MEGF6: variants seen among roughly 807,000 people sequenced by gnomAD.
The protein encoded by MEGF6 is multiple epidermal growth factor-like domains protein 6.
Under a neutral mutation model 207.1 loss-of-function variants are expected in MEGF6, and 184 were observed. That is an observed-to-expected ratio of 0.89 (90% CI 0.79 to 1.00). The LOEUF is 1.00. Ranked by LOEUF, MEGF6 falls within the 50% of genes least tolerant of loss-of-function variation. MEGF6 has a pLI of 0.00. For missense variants in MEGF6, 2,282 were observed against 2,202.9 expected, an observed-to-expected ratio of 1.04 and a Z score of -0.72; for synonymous variants, 1,038 against 910.0, an observed-to-expected ratio of 1.14 and a Z score of -2.53.
chr1:3,562,298 C>T (rs535177558), intron 4 of MEGF6, among the ~76,000 whole-genome samples: 47 of 152,334 alleles, frequency 3.1e-4, no homozygotes, highest in African/African-American at 4.8e-4. Flanking sequence ...CCCGGTCCCT[C>T]GCTGTGTCTC....
intron 3 of MEGF6, among the ~76,000 whole-genome samples, chr1:3,584,503 G>T (rs145460677): frequency 2.0e-5 from 3 of 152,202 alleles, no homozygotes; most frequent in African/African-American, 4.8e-5. Context: ...AAAGGTGATC[G>T]CTGGAGCAGG....
chr1:3,611,405 G>A lies in MEGF6; in HGVS notation c.-137C>T, dbSNP rs999376535. The A allele has an allele frequency of 3.3e-4, 400 of 1,205,242 alleles. 3 individuals are homozygous for A. The highest frequency in any genetic ancestry group is 4.1e-4 in the Non-Finnish European group (388 of 936,108). 74.7% of individuals were successfully genotyped at this position (1,205,242 alleles called of 1,614,324 possible). ...CTCCGCGGAGCCCAAGGTCGCTGCA[G>A]GTGCGGAGCGTCCCGGCTTCCCGCC... is the stretch of plus-strand genomic sequence containing the variant. On this transcript the variant is annotated 5_prime_UTR_variant, in exon 1 of 37. Coordinates refer to ENST00000356575, the MANE Select transcript of MEGF6 (RefSeq NM_001409.4).
chr1:3,492,341 C>T (rs536731042), intron 35 of MEGF6, among the ~76,000 whole-genome samples: 28 of 152,276 alleles, frequency 1.8e-4, no homozygotes, highest in African/African-American at 6.3e-4. Flanking sequence ...GCCCCCGGTG[C>T]AGTTTGCAGC....
chr1:3,581,281 C>T (rs1643790935), intron 3 of MEGF6, among the ~76,000 whole-genome samples: 1 of 152,022 alleles, frequency 6.6e-6, no homozygotes, highest in African/African-American at 2.4e-5. Flanking sequence ...CCTGCAATCA[C>T]AGCCACTACC....
At chr1:3,544,133 A>G (rs1294638936) in intron 4 of MEGF6, among the ~76,000 whole-genome samples, 1 of 151,870 alleles carries the variant, frequency 6.6e-6, no homozygotes, top group Non-Finnish European at 1.5e-5. Flanking sequence ...ACCCCATTAC[A>G]GGGCCCACCA....
At chr1:3,605,574 A>T (rs1644236730) in intron 1 of MEGF6, among the ~76,000 whole-genome samples, 1 of 151,882 alleles carries the variant, frequency 6.6e-6, no homozygotes, top group Non-Finnish European at 1.5e-5. Context: ...ACTCACATAC[A>T]CACACATACA....
Position 3,499,778 on chromosome 1 carries a change from G to A in MEGF6, c.2836+18C>T, listed in dbSNP as rs765185375. ...CTGGAGGCCACCCAGCCTAGCCCCC[G>A]CCTGTGCCGTAGCTCACCATGCTCG... On this transcript the variant is annotated intron_variant, in intron 22 of 36. Transcript: ENST00000356575. 2.6e-5 allele frequency: 41 copies of A among 1,572,152 alleles called. No individual in the cohort carries two copies. Among genetic ancestry groups the A allele is most frequent in the Middle Eastern group, 3.3e-4 (2 of 5,982 alleles).
intron 12 of MEGF6, among the ~76,000 whole-genome samples, 177 bp downstream of exon 12, chr1:3,508,898 C>T (rs575513423): frequency 2.0e-5 from 3 of 152,190 alleles, no homozygotes; most frequent in Non-Finnish European, 4.4e-5. Context: ...CGGCTCAGCC[C>T]GCACGAGCTG....
rs1211845115 is a variant in MEGF6, at chr1:3,494,635, C to T, written c.3978G>A (p.Trp1326Ter). The change falls in exon 31 of 37, where the codon TGG becomes TGA. Residue 1326 changes from tryptophan to a stop codon, truncating the protein, a stop_gained. Coordinates refer to ENST00000356575, the MANE Select transcript of MEGF6 (RefSeq NM_001409.4). LOFTEE classifies it high-confidence loss of function. ...SNGSCSCGLGWTGRHCELACP... is the reference protein window; with the variant it reads ...SNGSCSCGLG The stretch of plus-strand genomic sequence containing the variant: ...CACCCAGCTCGCAGTGCCGCCCCGT[C>T]CAGCCCAGGCCACAGGAGCAGCTGC... The T allele has an allele frequency of 1.9e-6, 3 of 1,562,802 alleles. No individual in the cohort carries two copies. The highest frequency in any genetic ancestry group is 3.8e-5 in the Admixed American group (2 of 52,964).
intron 26 of MEGF6, among the ~76,000 whole-genome samples, chr1:3,497,860 AG>A (rs963879975): frequency 6.6e-6 from 1 of 152,156 alleles, no homozygotes; most frequent in Non-Finnish European, 1.5e-5. Context: ...CTCTGCTGGA[AG>A]GGGGGCTCGT....
In MEGF6 at chr1:3,490,908, T is replaced by A. The variant is rs754726595; in HGVS notation, c.4564+4A>T. On this transcript the variant is annotated splice_donor_region_variant and intron_variant, in intron 36 of 36. Coordinates refer to ENST00000356575, the MANE Select transcript of MEGF6 (RefSeq NM_001409.4). ...AGCCCACGGGCATTCCCCACACCCC[T>A]TACCTGAGCCCTGGGCTAAGGACGG... The A allele has an allele frequency of 2.5e-6, 4 of 1,588,264 alleles. No homozygotes were observed. Among genetic ancestry groups the A allele is most frequent in the Non-Finnish European group, 3.4e-6 (4 of 1,167,148 alleles).
intron 4 of MEGF6, among the ~76,000 whole-genome samples, chr1:3,578,483 C>T (rs1643702381): frequency 6.6e-6 from 1 of 151,908 alleles, no homozygotes; most frequent in African/African-American, 2.4e-5. Context: ...ACAGGGAGGC[C>T]TGGCCAAGGC....
In MEGF6 at chr1:3,578,817, C is replaced by T. The variant is rs867539235; in HGVS notation, c.481+1008G>A. Among the ~76,000 whole-genome samples the T allele has an allele frequency of 8.5e-3, 1,077 of 126,040 alleles. 28 individuals are homozygous for T. The highest frequency in any genetic ancestry group is 0.013 in the Non-Finnish European group (745 of 59,286). The allele number at this position is 126,040 out of a possible 152,430, so 82.7% of individuals were successfully genotyped here. A position where few individuals can be genotyped will look rare whatever the true frequency, so the allele number is the denominator to read the frequency against. The stretch of plus-strand genomic sequence containing the variant: ...CTCCTCAGCCTGGTCCCCAGCGGAA[C>T]GTGGAGTGGGCAGGAGTGTCACCCA... On this transcript the variant is annotated intron_variant, in intron 4 of 36. Coordinates refer to ENST00000356575, the MANE Select transcript of MEGF6 (RefSeq NM_001409.4).
chr1:3,526,578 T>G (rs557772639), intron 4 of MEGF6, among the ~76,000 whole-genome samples: 4 of 152,098 alleles, frequency 2.6e-5, no homozygotes, highest in Non-Finnish European at 5.9e-5. Context: ...TTTGTATTTT[T>G]AATAGAGACA....
chr1:3,506,414 T>C (rs1469615551), intron 14 of MEGF6, among the ~76,000 whole-genome samples, 178 bp from the exon 15 acceptor site: 2 of 152,162 alleles, frequency 1.3e-5, no homozygotes, highest in African/African-American at 4.8e-5. Context: ...GTCTGTCCCC[T>C]ACATCCCCTG....
At chr1:3,562,607 C>A (rs1292784974) in intron 4 of MEGF6, among the ~76,000 whole-genome samples, 1 of 152,236 alleles carries the variant, frequency 6.6e-6, no homozygotes, top group Admixed American at 6.5e-5. Flanking sequence ...GGGCTCAGCA[C>A]TTTTCTATGA....
Position 3,611,426 on chromosome 1 carries a change from C to T in MEGF6, c.-158G>A. On this transcript the variant is annotated 5_prime_UTR_variant, in exon 1 of 37. Coordinates refer to ENST00000356575, the MANE Select transcript of MEGF6 (RefSeq NM_001409.4). ...TGCAGGTGCGGAGCGTCCCGGCTTC[C>T]CGCCCGCGCCCAAAGTGGCACCGCG... 9.4e-7 allele frequency: 1 copy of T among 1,068,840 alleles called. No individual in the cohort carries two copies. The highest frequency in any genetic ancestry group is 1.2e-6 in the Non-Finnish European group (1 of 812,954). The allele number at this position is 1,068,840 out of a possible 1,614,324, so 66.2% of individuals were successfully genotyped here.
chr1:3,598,943 G>A (rs972228844), intron 2 of MEGF6, among the ~76,000 whole-genome samples: 1 of 152,164 alleles, frequency 6.6e-6, no homozygotes, highest in Non-Finnish European at 1.5e-5. Context: ...TACCCACTGA[G>A]GGGGCTGAAG....
At chr1:3,604,423 G>T (rs1389449529) in intron 1 of MEGF6, among the ~76,000 whole-genome samples, 2 of 152,220 alleles carry the variant, frequency 1.3e-5, no homozygotes, top group Non-Finnish European at 2.9e-5. Flanking sequence ...GGCAGCTGCA[G>T]CCGAGAAGCC....
Sources: allele counts gnomAD v4.1 joint callset (sites outside exome capture counted in the v4.1 genomes callset), GRCh38; gene constraint gnomAD v4.1.1; transcripts MANE v1.5; gene names NCBI Gene and HGNC (gene_info 2026-07-23, HGNC 2026-07-21).